RFTN1: variants seen among roughly 807,000 people sequenced by gnomAD.
RFTN1 encodes raftlin.
Under a neutral mutation model 46.5 loss-of-function variants are expected in RFTN1, and 26 were observed. The observed-to-expected ratio is 0.56, with a 90% CI of 0.41 to 0.78. The LOEUF (loss-of-function observed/expected upper bound fraction) is 0.78, where lower values mean the gene tolerates loss of function less well. Among genes scored for constraint, RFTN1 ranks in the 30% least tolerant of loss-of-function variants. RFTN1 has a pLI of 0.00. For synonymous variants in RFTN1, 261 were observed against 284.2 expected (o/e 0.92, Z 0.82); for missense variants, 693 against 718.7 (o/e 0.96, Z 0.41).
At chr3:16,371,705 G>A (rs755190647) in intron 5 of RFTN1, among the ~76,000 whole-genome samples, 6 of 152,180 alleles carry the variant, frequency 3.9e-5, no homozygotes, top group East Asian at 1.9e-4. Context: ...GAAGGTGCCC[G>A]TCTTTGGAAG....
chr3:16,506,059 C>T lies in RFTN1; in HGVS notation c.-9+7383G>A, dbSNP rs933978050. On this transcript the variant is annotated intron_variant, in intron 1 of 9. Coordinates refer to ENST00000334133, the MANE Select transcript of RFTN1 (RefSeq NM_015150.2). The surrounding 1 kb of genome is among the most constrained non-coding windows in gnomAD (Gnocchi z 4.8). ...ACAAATAAAAATAATACACAAAATC[C>T]CATTTTTAAAGTATGCCAACTAGAA... Among the ~76,000 whole-genome samples the T allele has an allele frequency of 7.2e-5, 11 of 152,138 alleles. No individual in the cohort carries two copies. In the South Asian group the frequency reaches 8.3e-4, roughly 11 times the overall value.
Position 16,348,313 on chromosome 3 carries a change from T to C in RFTN1, c.1146+9619A>G, listed in dbSNP as rs372686856. On this transcript the variant is annotated intron_variant, in intron 7 of 9. Coordinates refer to ENST00000334133, the MANE Select transcript of RFTN1 (RefSeq NM_015150.2). This position sits in a 1 kb window ranked among gnomAD's most constrained non-coding sequence, Gnocchi z 6.3. ...AGGAGATCACCCACATTATCTATTA[T>C]TGAAGGCATCTAGGAGATCATCCAC... Among the ~76,000 whole-genome samples, 1 of 152,150 alleles carries C rather than the reference T, an allele frequency of 6.6e-6. No homozygotes were observed. Among genetic ancestry groups the C allele is most frequent in the African/African-American group, 2.4e-5 (1 of 41,430 alleles).
intron 4 of RFTN1, among the ~76,000 whole-genome samples, chr3:16,406,932 G>GA (rs535113241): frequency 6.6e-6 from 1 of 152,078 alleles, no homozygotes; most frequent in Non-Finnish European, 1.5e-5. Flanking sequence ...TAATCAGTGG[G>GA]AAAAAAAGAA....
At chr3:16,482,698 A>G in intron 2 of RFTN1, 1 of 1,350,168 alleles carries the variant, frequency 7.4e-7, no homozygotes, top group Non-Finnish European at 1.0e-6. Flanking sequence ...TGCATGCCAC[A>G]TTAGCTGTTA....
rs1287786633 is a variant in RFTN1 at position 16,413,147 on chromosome 3, G to C, written c.333-3664C>G. On this transcript the variant is annotated intron_variant, in intron 3 of 9. Coordinates refer to ENST00000334133, the MANE Select transcript of RFTN1 (RefSeq NM_015150.2). This position sits in a 1 kb window ranked among gnomAD's most constrained non-coding sequence, Gnocchi z 4.7. ...GAAAACTAACACAGTTCCTGAGGAG[G>C]AAGACATGGCAGTTTCATGCTTAGA... Among the ~76,000 whole-genome samples the C allele has an allele frequency of 6.6e-6, 1 of 152,238 alleles. No homozygotes were observed. The highest frequency in any genetic ancestry group is 1.5e-5 in the Non-Finnish European group (1 of 68,046).
In RFTN1 at chr3:16,489,399, CAG is replaced by C. The variant is rs973496771; in HGVS notation, c.145+4324_145+4325del. 6.6e-6 allele frequency among the ~76,000 whole-genome samples: 1 copy of C among 152,002 alleles called. No homozygotes were observed. Among genetic ancestry groups the C allele is most frequent in the Admixed American group, 6.6e-5 (1 of 15,266 alleles). The stretch of plus-strand genomic sequence containing the variant: ...CACCACCACACTCCAGCCTGGGCAA[CAG>C]AGTGAGACTTCGCTTCAAAAAAAAA... On this transcript the variant is annotated intron_variant, in intron 2 of 9. Transcript: ENST00000334133. This position sits in a 1 kb window ranked among gnomAD's most constrained non-coding sequence, Gnocchi z 4.0.
At chr3:16,501,371 C>T (rs944767976) in intron 1 of RFTN1, among the ~76,000 whole-genome samples, 3 of 152,170 alleles carry the variant, frequency 2.0e-5, no homozygotes, top group Non-Finnish European at 2.9e-5. Flanking sequence ...TATTTTTCAG[C>T]TATAACGTAG....
rs565682 is a variant in RFTN1, at chr3:16,322,927, T to C, written c.1332+449A>G. ...CTGTCATGAAGAAATTTTGGCAGGG[T>C]CTCTGCTTAGATCCCCACACTTTTA... is the stretch of plus-strand genomic sequence containing the variant. On this transcript the variant is annotated intron_variant, in intron 9 of 9. Transcript: ENST00000334133. The surrounding 1 kb of genome is among the most constrained non-coding windows in gnomAD (Gnocchi z 6.2). Among the ~76,000 whole-genome samples, 47,461 of 151,942 alleles carry C rather than the reference T, an allele frequency of 0.31. 8,220 individuals carry two copies. Among genetic ancestry groups the C allele is most frequent in the Non-Finnish European group, 0.37 (25,432 of 67,932 alleles).
rs1015204028 is a variant in RFTN1, at chr3:16,507,615, CACACACAT to C, written c.-9+5819_-9+5826del. Among the ~76,000 whole-genome samples, 4 of 129,560 alleles carry C rather than the reference CACACACAT, an allele frequency of 3.1e-5. No homozygotes were observed. Among genetic ancestry groups the C allele is most frequent in the African/African-American group, 1.2e-4 (4 of 32,932 alleles). 85.0% of individuals were successfully genotyped at this position (129,560 alleles called of 152,430 possible). A position where few individuals can be genotyped will look rare whatever the true frequency, so the allele number is the denominator to read the frequency against. ...GAGTTTCAAAACACACACACACACA[CACACACAT>C]ACACACACACATGCACACATCCACA... On this transcript the variant is annotated intron_variant, in intron 1 of 9. Transcript: ENST00000334133. The surrounding 1 kb of genome is among the most constrained non-coding windows in gnomAD (Gnocchi z 7.1).
chr3:16,480,499 T>C lies in RFTN1; in HGVS notation c.145+13226A>G, dbSNP rs2076348197. ...TGTAATTTTTACTTATCAGGAGCCC[T>C]GACCTGTAAACAAAGAAGAGTATGC... On this transcript the variant is annotated intron_variant, in intron 2 of 9. Coordinates refer to ENST00000334133, the MANE Select transcript of RFTN1 (RefSeq NM_015150.2). This position sits in a 1 kb window ranked among gnomAD's most constrained non-coding sequence, Gnocchi z 4.3. Among the ~76,000 whole-genome samples the C allele has an allele frequency of 1.3e-5, 2 of 152,240 alleles. No individual in the cohort carries two copies. The highest frequency in any genetic ancestry group is 4.1e-4 in the South Asian group (2 of 4,828).
chr3:16,493,581 T>C, intron 2 of RFTN1, 144 bp downstream of exon 2: 1 of 770,822 alleles, frequency 1.3e-6, no homozygotes, highest in East Asian at 2.5e-5. Context: ...TGGATCTCTG[T>C]AAGCCGCCCC....
chr3:16,461,009 C>T (rs371860510), intron 2 of RFTN1, among the ~76,000 whole-genome samples: 4 of 152,348 alleles, frequency 2.6e-5, no homozygotes, highest in East Asian at 1.9e-4. Flanking sequence ...GAGGAGGCCA[C>T]GCCACAGAGG....
chr3:16,328,526 C>G (rs1197587118), intron 7 of RFTN1, among the ~76,000 whole-genome samples: 2 of 152,196 alleles, frequency 1.3e-5, no homozygotes, highest in African/African-American at 4.8e-5. Flanking sequence ...ATCAAGTCAC[C>G]TGAACCCTTG....
chr3:16,391,883 TTTTTTTTTTTG>T (rs1295420865), intron 4 of RFTN1, among the ~76,000 whole-genome samples: 2 of 24,710 alleles, frequency 8.1e-5, no homozygotes, highest in African/African-American at 1.6e-4. Flanking sequence ...TTTTTTTTTG[TTTTTTTTTTTG>T]TTTTTTTTAC....
intron 5 of RFTN1, among the ~76,000 whole-genome samples, chr3:16,372,011 G>T (rs1349241028): frequency 1.3e-5 from 2 of 152,162 alleles, no homozygotes; most frequent in African/African-American, 4.8e-5. Flanking sequence ...TCCAGTCCTG[G>T]GTGTCAGGGG....
At chr3:16,399,745 G>A (rs2074557176) in intron 4 of RFTN1, among the ~76,000 whole-genome samples, 4 of 152,294 alleles carry the variant, frequency 2.6e-5, no homozygotes, top group Middle Eastern at 6.8e-3. Flanking sequence ...CTGAAGCACA[G>A]ATGCCACAGC....
At chr3:16,495,080 TAAAA>T (rs1302894702) in intron 1 of RFTN1, among the ~76,000 whole-genome samples, 1 of 152,020 alleles carries the variant, frequency 6.6e-6, no homozygotes, top group African/African-American at 2.4e-5. Flanking sequence ...TTTCAGTAAT[TAAAA>T]AAAGTCTGAA....
rs1467090107 is a variant in RFTN1, at chr3:16,443,350, T to C, written c.146-9313A>G. On this transcript the variant is annotated intron_variant, in intron 2 of 9. Coordinates refer to ENST00000334133, the MANE Select transcript of RFTN1 (RefSeq NM_015150.2). The surrounding 1 kb of genome is among the most constrained non-coding windows in gnomAD (Gnocchi z 5.5). The stretch of plus-strand genomic sequence containing the variant: ...TGATGTTAATAAGCATTCTTTCATA[T>C]ATGTGTGGGCCACTTTTATATCTCC... Among the ~76,000 whole-genome samples the C allele has an allele frequency of 6.6e-6, 1 of 152,214 alleles. No homozygotes were observed. Among genetic ancestry groups the C allele is most frequent in the East Asian group, 1.9e-4 (1 of 5,204 alleles).
chr3:16,439,039 T>C (rs1348658056), intron 2 of RFTN1, among the ~76,000 whole-genome samples: 1 of 152,234 alleles, frequency 6.6e-6, no homozygotes, highest in Non-Finnish European at 1.5e-5. Context: ...CTGTCAAAGC[T>C]GAGCAATTTT....
Sources: allele counts gnomAD v4.1 joint callset (sites outside exome capture counted in the v4.1 genomes callset), GRCh38; gene constraint gnomAD v4.1.1; non-coding constraint Gnocchi (gnomAD v3.1); transcripts MANE v1.5; gene names NCBI Gene and HGNC (gene_info 2026-07-23, HGNC 2026-07-21).